DACH2: variants seen among roughly 807,000 people sequenced by gnomAD.
DACH2 encodes dachshund family transcription factor 2, also known as dachshund homolog 2.
DACH2 carries 17 observed loss-of-function variants against 35.8 expected under a neutral mutation model. That is an observed-to-expected ratio of 0.48 (90% CI 0.33 to 0.71). The LOEUF is 0.71. DACH2 is among the 30% of genes least tolerant of loss of function. The probability of loss-of-function intolerance (pLI) is 0.02; values close to 1 mark genes in which losing one functional copy is unlikely to be tolerated. For missense variants in DACH2, 469 were observed against 472.7 expected (o/e 0.99, Z 0.07); for synonymous variants, 195 against 177.3 (o/e 1.10, Z -0.79).
chrX:86,295,023 A>G (rs1188347773), intron 1 of DACH2, among the ~76,000 whole-genome samples: 4 of 112,495 alleles, frequency 3.6e-5, no homozygotes, highest in East Asian at 2.8e-4. Context: ...CTCCAGCCTC[A>G]CTGCCGCCTT....
chrX:86,822,870 A>C (rs2042526955), intron 11 of DACH2, among the ~76,000 whole-genome samples: 1 of 112,114 alleles, frequency 8.9e-6, no homozygotes, highest in East Asian at 2.8e-4. Context: ...TAACAGAAAT[A>C]AACTTTTTTA....
chrX:86,287,319 TA>T (rs2034173205), intron 1 of DACH2, among the ~76,000 whole-genome samples: 1 of 112,013 alleles, frequency 8.9e-6, no homozygotes, highest in African/African-American at 3.2e-5. Context: ...ATCTTTTCTT[TA>T]TCTTAGGCCT....
In DACH2 at chrX:86,514,579, G is replaced by A. The variant is rs148756343; in HGVS notation, c.640+188G>A. ...CTTGAGCGACAAATCAAATGGACGT[G>A]ATTTTAAAAATTGTCGTATCATTGC... is the stretch of plus-strand genomic sequence containing the variant. On this transcript the variant is annotated intron_variant, in intron 3 of 11. Coordinates refer to ENST00000373125, the MANE Select transcript of DACH2 (RefSeq NM_053281.3). Among the ~76,000 whole-genome samples the A allele has an allele frequency of 7.5e-3, 843 of 112,074 alleles. 7 individuals carry two copies. Among genetic ancestry groups the A allele is most frequent in the African/African-American group, 0.025 (765 of 30,835 alleles).
At chrX:86,433,181 T>C (rs2037012618) in intron 2 of DACH2, among the ~76,000 whole-genome samples, 1 of 111,833 alleles carries the variant, frequency 8.9e-6, no homozygotes, top group African/African-American at 3.2e-5. Flanking sequence ...TGAGCATGTG[T>C]AAAATGCTAC....
chrX:86,303,729 T>TATAG (rs2034621183), intron 1 of DACH2, among the ~76,000 whole-genome samples: 1 of 22,991 alleles, frequency 4.3e-5, no homozygotes, highest in Non-Finnish European at 1.1e-4. Flanking sequence ...GTGAACATAC[T>TATAG]ATATATATAT....
intron 4 of DACH2, among the ~76,000 whole-genome samples, chrX:86,682,592 G>C (rs752340313): frequency 9.0e-6 from 1 of 111,647 alleles, no homozygotes; most frequent in African/African-American, 3.2e-5. Context: ...GTAAGCAGCA[G>C]CCGGTAACTG....
At chrX:86,438,343 C>T (rs763006620) in intron 2 of DACH2, among the ~76,000 whole-genome samples, 13 of 108,183 alleles carry the variant, frequency 1.2e-4, no homozygotes, top group African/African-American at 2.7e-4. Flanking sequence ...GTTGCCTCTG[C>T]CTCCCAAGGA....
chrX:86,599,379 C>T (rs745597337), intron 3 of DACH2, among the ~76,000 whole-genome samples: 137 of 109,520 alleles, frequency 1.3e-3, no homozygotes, highest in Non-Finnish European at 1.3e-3. Flanking sequence ...CTTTCTTTCC[C>T]TTTCTTTCAG....
intron 2 of DACH2, among the ~76,000 whole-genome samples, chrX:86,441,109 A>G (rs1255532060): frequency 9.0e-6 from 1 of 111,594 alleles, no homozygotes; most frequent in African/African-American, 3.3e-5. Context: ...AGGGTGCATG[A>G]GATATTTTGA....
chrX:86,557,261 A>G (rs1019390016), intron 3 of DACH2, among the ~76,000 whole-genome samples: 1 of 111,423 alleles, frequency 9.0e-6, no homozygotes, highest in African/African-American at 3.3e-5. Flanking sequence ...ACACATCCAG[A>G]AATAATGTTT....
intron 2 of DACH2, among the ~76,000 whole-genome samples, chrX:86,507,007 T>TTA (rs2038333338): frequency 9.0e-6 from 1 of 111,681 alleles, no homozygotes; most frequent in South Asian, 3.8e-4. Flanking sequence ...TGCTTTTATT[T>TTA]TAAGATTAGT....
chrX:86,667,410 GA>G (rs1169446794), intron 4 of DACH2, among the ~76,000 whole-genome samples: 81 of 82,993 alleles, frequency 9.8e-4, no homozygotes, highest in African/African-American at 3.1e-3. Context: ...GAAAAGAAGA[GA>G]AAAAAAGAAA....
chrX:86,333,533 T>A (rs967356436), intron 1 of DACH2, among the ~76,000 whole-genome samples: 1 of 111,373 alleles, frequency 9.0e-6, no homozygotes, highest in Non-Finnish European at 1.9e-5. Flanking sequence ...ACAACAAGAA[T>A]TAGTAACTAG....
chrX:86,336,438 T>C (rs1485405323), intron 1 of DACH2, among the ~76,000 whole-genome samples: 1 of 111,783 alleles, frequency 8.9e-6, no homozygotes, highest in Non-Finnish European at 1.9e-5. Flanking sequence ...CTGCTGGTGA[T>C]ACCCAGGCAA....
intron 3 of DACH2, among the ~76,000 whole-genome samples, chrX:86,544,066 T>A (rs1269633944): frequency 9.0e-6 from 1 of 111,379 alleles, no homozygotes; most frequent in Admixed American, 9.6e-5. Flanking sequence ...CAAAGAATGA[T>A]TCTCTGAAAT....
chrX:86,400,588 T>C (rs775312986), intron 2 of DACH2, among the ~76,000 whole-genome samples: 62 of 112,105 alleles, frequency 5.5e-4, no homozygotes, highest in African/African-American at 1.9e-3. Flanking sequence ...TGTTAGTTTT[T>C]CTTCTAACAG....
chrX:86,574,097 G>T (rs1054101719), intron 3 of DACH2, among the ~76,000 whole-genome samples: 3 of 111,515 alleles, frequency 2.7e-5, no homozygotes, highest in Non-Finnish European at 5.7e-5. Flanking sequence ...CACTTATTCA[G>T]TCAGGGCATA....
intron 4 of DACH2, among the ~76,000 whole-genome samples, chrX:86,666,312 T>TGTGAGA (rs112267843): frequency 5.0e-4 from 50 of 99,928 alleles, no homozygotes; most frequent in East Asian, 9.7e-4. Context: ...TGTGTGTGTG[T>TGTGAGA]GAGAGAGAGA....
At chrX:86,790,447 T>C (rs540162042) in intron 7 of DACH2, among the ~76,000 whole-genome samples, 3 of 112,431 alleles carry the variant, frequency 2.7e-5, no homozygotes, top group African/African-American at 9.7e-5. Flanking sequence ...ATAGAATAAA[T>C]CCACTTTACA....
Sources: allele counts gnomAD v4.1 joint callset (sites outside exome capture counted in the v4.1 genomes callset), GRCh38; gene constraint gnomAD v4.1.1; transcripts MANE v1.5; gene names NCBI Gene and HGNC (gene_info 2026-07-23, HGNC 2026-07-21).